Variants in POU6F2 observed in about 807,000 individuals in gnomAD.
The protein encoded by POU6F2 is POU domain, class 6, transcription factor 2.
POU6F2 carries 31 observed loss-of-function variants against 71.3 expected under a neutral mutation model. That is an observed-to-expected ratio of 0.43 (90% confidence interval 0.33 to 0.59). The LOEUF is 0.59. POU6F2 is among the 20% of genes least tolerant of loss of function. POU6F2 has a pLI of 0.04. For synonymous variants in POU6F2, 347 were observed against 355.7 expected (o/e 0.98, Z 0.27); for missense variants, 783 against 856.8 (o/e 0.91, Z 1.07).
intron 2 of POU6F2, among the ~76,000 whole-genome samples, chr7:39,135,475 A>G (rs918136426): frequency 6.6e-6 from 1 of 152,128 alleles, no homozygotes; most frequent in African/African-American, 2.4e-5. Context: ...TAGAATGACT[A>G]CTCATCCACA....
chr7:39,278,304 G>T (rs1017316782), intron 4 of POU6F2, among the ~76,000 whole-genome samples: 2 of 152,094 alleles, frequency 1.3e-5, no homozygotes, highest in Non-Finnish European at 2.9e-5. Flanking sequence ...ATAGATCCAG[G>T]CCCAGGAGAC....
intron 1 of POU6F2, among the ~76,000 whole-genome samples, chr7:39,031,563 C>T (rs1166845047): frequency 6.6e-6 from 1 of 152,088 alleles, no homozygotes; most frequent in Non-Finnish European, 1.5e-5. Flanking sequence ...TGACTTAATT[C>T]CCTCCTATCA....
chr7:39,330,333 T>G (rs750217521), intron 4 of POU6F2, among the ~76,000 whole-genome samples: 1 of 152,200 alleles, frequency 6.6e-6, no homozygotes, highest in Non-Finnish European at 1.5e-5. Context: ...CATGTTTAAG[T>G]CTCTATTTGT....
At chr7:39,259,806 A>G (rs73695224) in intron 4 of POU6F2, among the ~76,000 whole-genome samples, 8,973 of 152,116 alleles carry the variant, frequency 0.059, 511 homozygotes, top group African/African-American at 0.15. Context: ...CCCACAGCCC[A>G]TGAGCCTGCC....
chr7:39,378,241 A>C (rs1401839578), intron 5 of POU6F2, among the ~76,000 whole-genome samples: 1 of 152,174 alleles, frequency 6.6e-6, no homozygotes, highest in Admixed American at 6.5e-5. Flanking sequence ...GGGTGCAGTC[A>C]TGTTCTCTTT....
chr7:39,066,158 A>G (rs1264063782), intron 1 of POU6F2, among the ~76,000 whole-genome samples: 1 of 151,802 alleles, frequency 6.6e-6, no homozygotes, highest in Admixed American at 6.6e-5. Context: ...CGAAAGAAAA[A>G]AAGAAAACAA....
chr7:39,313,603 C>T (rs971772346), intron 4 of POU6F2, among the ~76,000 whole-genome samples: 17 of 152,036 alleles, frequency 1.1e-4, no homozygotes, highest in Admixed American at 9.8e-4. Context: ...ATTCCTTCCC[C>T]GTCCATCCCC....
At chr7:39,407,746 A>G (rs1787466855) in intron 6 of POU6F2, among the ~76,000 whole-genome samples, 1 of 152,184 alleles carries the variant, frequency 6.6e-6, no homozygotes, top group African/African-American at 2.4e-5. Flanking sequence ...TTTTACATAA[A>G]GAGTAAACAA....
At chr7:39,209,239 G>C (rs1046780587) in intron 4 of POU6F2, among the ~76,000 whole-genome samples, 2 of 152,064 alleles carry the variant, frequency 1.3e-5, no homozygotes, top group African/African-American at 4.8e-5. Flanking sequence ...TTTGGAGTTT[G>C]GTTCTTTGAG....
At chr7:39,215,787 A>G (rs544478372) in intron 4 of POU6F2, among the ~76,000 whole-genome samples, 1 of 152,234 alleles carries the variant, frequency 6.6e-6, no homozygotes, top group Non-Finnish European at 1.5e-5. Flanking sequence ...AGAGGGATTA[A>G]GCTGTCCAAT....
At chr7:39,231,650 C>T (rs759939048) in intron 4 of POU6F2, among the ~76,000 whole-genome samples, 4 of 152,022 alleles carry the variant, frequency 2.6e-5, no homozygotes, top group Non-Finnish European at 4.4e-5. Context: ...GGGTACAATA[C>T]GATATGTTCT....
chr7:39,042,146 A>G (rs1790205219), intron 1 of POU6F2, among the ~76,000 whole-genome samples: 3 of 151,962 alleles, frequency 2.0e-5, no homozygotes, highest in Admixed American at 1.3e-4. Context: ...CACTGAGACT[A>G]TGTAAATAAG....
intron 2 of POU6F2, among the ~76,000 whole-genome samples, chr7:39,100,987 C>A (rs1304143654): frequency 1.3e-5 from 2 of 152,070 alleles, no homozygotes; most frequent in Non-Finnish European, 2.9e-5. Flanking sequence ...TGTCACCCAG[C>A]TCTGACCCGC....
At chr7:39,416,420 G>T (rs1316475545) in intron 6 of POU6F2, among the ~76,000 whole-genome samples, 1 of 152,128 alleles carries the variant, frequency 6.6e-6, no homozygotes, top group Non-Finnish European at 1.5e-5. Context: ...CTCATCAAAT[G>T]AGCCTTTCAG....
Position 39,000,530 on chromosome 7 carries a change from GACACACAC to G in POU6F2, c.105+22501_105+22508del, listed in dbSNP as rs5883670. Among the ~76,000 whole-genome samples, 60 of 141,234 alleles carry G rather than the reference GACACACAC, an allele frequency of 4.2e-4. 1 individual carries two copies. Among genetic ancestry groups the G allele is most frequent in the East Asian group, 2.0e-3 (10 of 5,024 alleles). 92.7% of individuals were successfully genotyped at this position (141,234 alleles called of 152,430 possible). ...TCTCCATTTTCTCAACATACCCACA[GACACACAC>G]ACACACACACACACACACACACACA... On this transcript the variant is annotated intron_variant, in intron 1 of 9. Transcript: ENST00000518318.
chr7:39,233,468 C>T (rs930324993), intron 4 of POU6F2, among the ~76,000 whole-genome samples: 1 of 152,190 alleles, frequency 6.6e-6, no homozygotes, highest in Admixed American at 6.5e-5. Context: ...AAGCTTCTTG[C>T]ATTGCTACAT....
At chr7:39,000,250 G>A (rs2128699310) in intron 1 of POU6F2, among the ~76,000 whole-genome samples, 1 of 152,246 alleles carries the variant, frequency 6.6e-6, no homozygotes. Flanking sequence ...ATTTCTGTTT[G>A]TGTTACTTGA....
chr7:39,404,119 A>G (rs1787365323), intron 5 of POU6F2, among the ~76,000 whole-genome samples: 1 of 152,246 alleles, frequency 6.6e-6, no homozygotes, highest in Non-Finnish European at 1.5e-5. Flanking sequence ...CAGAGGAAAT[A>G]AACATTAAAA....
At chr7:39,010,286 TC>T (rs1789231730) in intron 1 of POU6F2, among the ~76,000 whole-genome samples, 2 of 150,390 alleles carry the variant, frequency 1.3e-5, no homozygotes, top group African/African-American at 4.9e-5. Flanking sequence ...ATCCATTTCT[TC>T]TAGATTTTCT....
Sources: gnomAD v4.1 joint callset for allele counts (sites outside exome capture counted in the v4.1 genomes callset) on GRCh38, gnomAD v4.1.1 for gene constraint, MANE v1.5 for transcripts, NCBI Gene and HGNC (gene_info 2026-07-23, HGNC 2026-07-21) for gene names.